The following RBFOX1 variants were observed in gnomAD, a reference collection of about 807,000 sequenced individuals.
RBFOX1 encodes the protein RNA binding protein fox-1 homolog 1.
Under a neutral mutation model 57.7 loss-of-function variants are expected in RBFOX1, and 8 were observed. That is an observed-to-expected ratio of 0.14 (90% CI 0.08 to 0.25). The LOEUF (loss-of-function observed/expected upper bound fraction) is 0.25. RBFOX1 is among the 10% of genes least tolerant of loss of function. The probability of loss-of-function intolerance (pLI) is 1.00; values close to 1 mark genes in which losing one functional copy is unlikely to be tolerated. For synonymous variants in RBFOX1, 326 were observed against 222.4 expected (o/e 1.47, Z -4.15); for missense variants, 611 against 548.5 (o/e 1.11, Z -1.14).
intron 3 of RBFOX1, among the ~76,000 whole-genome samples, chr16:7,047,161 C>T (rs1384739372): frequency 6.7e-6 from 1 of 149,728 alleles, no homozygotes; most frequent in Non-Finnish European, 1.5e-5. Flanking sequence ...CTCTTCCTTT[C>T]TTGTTGTTTG....
chr16:6,883,511 C>G (rs1316148341), intron 3 of RBFOX1, among the ~76,000 whole-genome samples: 1 of 152,214 alleles, frequency 6.6e-6, no homozygotes, highest in Admixed American at 6.5e-5. Context: ...TTACTTATAA[C>G]TTGTTGTGTA....
At chr16:7,017,137 A>C (rs1483823218) in intron 3 of RBFOX1, among the ~76,000 whole-genome samples, 1 of 152,154 alleles carries the variant, frequency 6.6e-6, no homozygotes, top group African/African-American at 2.4e-5. Flanking sequence ...ATAAAAAAGC[A>C]AAACAGCTGT....
At position 7,393,675 on chromosome 16, in the gene RBFOX1, T is replaced by C. The variant is rs528201354; in HGVS notation, c.28-124472T>C. Among the ~76,000 whole-genome samples the C allele has an allele frequency of 7.9e-5, 12 of 152,258 alleles. No homozygotes were observed. The East Asian group carries it at 2.3e-3, about 30-fold the overall frequency. ...GTAAGAAGATCTGGATTATTCATTG[T>C]GCCAAGGATTATTTCACTGAGTCTT... On this transcript the variant is annotated intron_variant, in intron 4 of 15. Coordinates refer to ENST00000550418, the MANE Select transcript of RBFOX1 (RefSeq NM_018723.4).
intron 2 of RBFOX1, among the ~76,000 whole-genome samples, chr16:6,585,954 T>A (rs905969925): frequency 6.6e-6 from 1 of 152,190 alleles, no homozygotes; most frequent in African/African-American, 2.4e-5. Context: ...CCAGATACCT[T>A]TAAACAACAG....
chr16:6,155,290 C>A (rs532889079), intron 1 of RBFOX1, among the ~76,000 whole-genome samples: 74 of 152,272 alleles, frequency 4.9e-4, no homozygotes, highest in African/African-American at 1.6e-3. Context: ...CATAATAAAA[C>A]AAGAGACAAC....
chr16:5,487,232 C>G (rs1366077126), intron 2 of RBFOX1, among the ~76,000 whole-genome samples: 2 of 152,176 alleles, frequency 1.3e-5, no homozygotes, highest in Non-Finnish European at 1.5e-5. Flanking sequence ...TCCAAGTGCC[C>G]TACTGGACTG....
intron 3 of RBFOX1, among the ~76,000 whole-genome samples, chr16:6,775,066 C>T (rs541543957): frequency 6.6e-6 from 1 of 151,564 alleles, no homozygotes; most frequent in Non-Finnish European, 1.5e-5. Context: ...TGGCTCACGC[C>T]TGTAATCCCA....
intron 4 of RBFOX1, among the ~76,000 whole-genome samples, chr16:7,477,533 C>G (rs1259329125): frequency 6.6e-6 from 1 of 152,156 alleles, no homozygotes; most frequent in Admixed American, 6.5e-5. Flanking sequence ...GGCTGACTCC[C>G]CAAAGAGAAA....
chr16:5,657,117 A>G (rs2049456838), intron 3 of RBFOX1, among the ~76,000 whole-genome samples: 1 of 152,152 alleles, frequency 6.6e-6, no homozygotes, highest in Non-Finnish European at 1.5e-5. Flanking sequence ...AAAAAGAAAC[A>G]GTCTTCTCTG....
At chr16:5,907,721 T>TATCATC (rs34447124) in intron 4 of RBFOX1, among the ~76,000 whole-genome samples, 6,968 of 146,154 alleles carry the variant, frequency 0.048, 214 homozygotes, top group African/African-American at 0.092. Flanking sequence ...GGAGACTATT[T>TATCATC]ATCATCATCA....
chr16:5,294,032 C>G (rs1423778711), intron 1 of RBFOX1, among the ~76,000 whole-genome samples: 2 of 152,068 alleles, frequency 1.3e-5, no homozygotes, highest in Non-Finnish European at 2.9e-5. Context: ...AGTTCGAGAC[C>G]TGCTTGGCCA....
At chr16:6,720,411 C>T (rs1050299854) in intron 3 of RBFOX1, among the ~76,000 whole-genome samples, 2 of 152,170 alleles carry the variant, frequency 1.3e-5, no homozygotes, top group African/African-American at 4.8e-5. Flanking sequence ...ATGTAAATCT[C>T]TTTCTTTATA....
intron 3 of RBFOX1, among the ~76,000 whole-genome samples, chr16:6,916,136 C>T (rs898349151): frequency 6.6e-6 from 1 of 152,068 alleles, no homozygotes. Flanking sequence ...GGCAACCCTC[C>T]AGGAGAGGCA....
chr16:5,320,440 G>C (rs1161191006), intron 1 of RBFOX1, among the ~76,000 whole-genome samples: 2 of 152,260 alleles, frequency 1.3e-5, no homozygotes, highest in Admixed American at 6.5e-5. Context: ...GCTCAGAATA[G>C]AAAACAGTAA....
chr16:5,271,162 A>C (rs1383644753), intron 1 of RBFOX1, among the ~76,000 whole-genome samples: 2 of 152,048 alleles, frequency 1.3e-5, no homozygotes, highest in African/African-American at 4.8e-5. Context: ...CAGCCTGGGC[A>C]ACAGAGTGAG....
rs557620972 is a variant in RBFOX1, at chr16:7,712,248, T to TC, written c.*1506dup. The TC allele has an allele frequency of 2.0e-3, 307 of 152,724 alleles. 1 individual carries two copies. Among genetic ancestry groups the TC allele is most frequent in the Admixed American group, 3.3e-3 (50 of 15,292 alleles). 9.5% of individuals were successfully genotyped at this position (152,724 alleles called of 1,614,324 possible). ...AAATAAAAACAACAGCAGCAGGCTG[T>TC]CCCTGAGTAGTTTTGCTGCCATAGG... On this transcript the variant is annotated 3_prime_UTR_variant, in exon 16 of 16. Coordinates refer to ENST00000550418, the MANE Select transcript of RBFOX1 (RefSeq NM_018723.4).
chr16:5,591,299 T>C (rs1282849331), intron 2 of RBFOX1, among the ~76,000 whole-genome samples: 1 of 151,336 alleles, frequency 6.6e-6, no homozygotes, highest in Non-Finnish European at 1.5e-5. Context: ...TTACCCAGGC[T>C]GGAGTGCCAT....
rs542265525 is a variant in RBFOX1 at position 5,395,005 on chromosome 16, A to G, written c.220-72211A>G. 2.0e-5 allele frequency among the ~76,000 whole-genome samples: 3 copies of G among 152,254 alleles called. No individual in the cohort carries two copies. The South Asian group carries it at 6.2e-4, about 32-fold the overall frequency. ...CTGGCCTGTACCTTCATTGGCTCCC[A>G]GTTGCTCGGAGTCCCACATTTCAAG... On this transcript the variant is annotated intron_variant, in intron 1 of 2. Transcript: ENST00000585867.
At chr16:7,602,565 G>A (rs544388285) in intron 9 of RBFOX1, among the ~76,000 whole-genome samples, 128 of 152,284 alleles carry the variant, frequency 8.4e-4, no homozygotes, top group African/African-American at 2.9e-3. Context: ...TGACAGTGCA[G>A]GCTCTTATCT....
Sources: gnomAD v4.1 joint callset for allele counts (sites outside exome capture counted in the v4.1 genomes callset) on GRCh38, gnomAD v4.1.1 for gene constraint, MANE v1.5 for transcripts, NCBI Gene and HGNC (gene_info 2026-07-23, HGNC 2026-07-21) for gene names.